TMPRSS2: variants seen among roughly 807,000 people sequenced by gnomAD.
The protein encoded by TMPRSS2 is transmembrane protease serine 2.
Under a neutral mutation model 67.4 loss-of-function variants are expected in TMPRSS2, and 59 were observed. That is an observed-to-expected ratio of 0.88 (90% CI 0.71 to 1.09). The LOEUF (loss-of-function observed/expected upper bound fraction) is 1.09. Ranked by LOEUF, TMPRSS2 falls within the 50% of genes least tolerant of loss-of-function variation. The pLI is 0.00. For synonymous variants in TMPRSS2, 257 were observed against 257.0 expected (o/e 1.00, Z 0.00); for missense variants, 668 against 642.7 (o/e 1.04, Z -0.43).
At chr21:41,468,681 C>T in intron 11 of TMPRSS2, 143 bp from the exon 12 acceptor site, 2 of 859,334 alleles carry the variant, frequency 2.3e-6, no homozygotes, top group Non-Finnish European at 3.5e-6. Context: ...CAGCTCATCC[C>T]AGCACCAACC....
At chr21:41,498,354 C>T (rs1446119919) in intron 1 of TMPRSS2, among the ~76,000 whole-genome samples, 165 bp from the exon 2 acceptor site, 1 of 152,178 alleles carries the variant, frequency 6.6e-6, no homozygotes, top group Non-Finnish European at 1.5e-5. Flanking sequence ...TCCCCACATC[C>T]CTCCATATTT....
intron 5 of TMPRSS2, chr21:41,486,381 C>A (rs1469389234): frequency 6.6e-6 from 1 of 152,226 alleles, no homozygotes; most frequent in Non-Finnish European, 1.5e-5. Flanking sequence ...CTCACTGCAA[C>A]CCCCTCCTCC....
At position 41,504,025 on chromosome 21, in the gene TMPRSS2, T is replaced by C. The variant is rs186280517; in HGVS notation, c.-57+4056A>G. Among the ~76,000 whole-genome samples, 20 of 152,362 alleles carry C rather than the reference T, an allele frequency of 1.3e-4. No individual in the cohort carries two copies. The East Asian group carries it at 3.3e-3, about 25-fold the overall frequency. On this transcript the variant is annotated intron_variant, in intron 1 of 13. Transcript: ENST00000332149. Reference sequence around the variant, plus strand: ...CCTTAAAGGGAATTTGACACTGCATTGTGCACCTCGTACAAACAAGCAATA... The same window carrying C: ...CCTTAAAGGGAATTTGACACTGCATCGTGCACCTCGTACAAACAAGCAATA...
intron 9 of TMPRSS2, among the ~76,000 whole-genome samples, chr21:41,472,992 G>C (rs919120663): frequency 5.9e-5 from 9 of 152,190 alleles, no homozygotes; most frequent in African/African-American, 2.2e-4. Flanking sequence ...TAGCGTCCCG[G>C]AGACAGGATA....
intron 1 of TMPRSS2, among the ~76,000 whole-genome samples, chr21:41,499,452 C>A (rs907697283): frequency 6.6e-6 from 1 of 152,162 alleles, no homozygotes; most frequent in Non-Finnish European, 1.5e-5. Context: ...GTCAGTTTAG[C>A]CAGAACCTCC....
chr21:41,479,429 G>C, intron 6 of TMPRSS2, 147 bp from the exon 7 acceptor site: 1 of 629,484 alleles, frequency 1.6e-6, no homozygotes, highest in East Asian at 2.8e-5. Flanking sequence ...TTCTAACCAA[G>C]TGCTAGAATA....
chr21:41,473,308 C>G lies in TMPRSS2; in HGVS notation c.899+17G>C. 6.4e-7 allele frequency: 1 copy of G among 1,568,168 alleles called. No homozygotes were observed. The highest frequency in any genetic ancestry group is 1.8e-5 in the Admixed American group (1 of 56,458). ...CAGCCCTGAGCCCCCACCCGGCCCG[C>G]GCCGCCCCTGGCATACTTTTCCACG... On this transcript the variant is annotated intron_variant, in intron 9 of 13. Transcript: ENST00000332149.
chr21:41,491,461 T>C (rs1175226304), intron 3 of TMPRSS2, among the ~76,000 whole-genome samples: 1 of 152,180 alleles, frequency 6.6e-6, no homozygotes, highest in South Asian at 2.1e-4. Context: ...TCTGAATTTC[T>C]AACAGGCTCA....
chr21:41,467,673 G>A, intron 13 of TMPRSS2, 61 bp downstream of exon 13: 2 of 1,586,282 alleles, frequency 1.3e-6, no homozygotes, highest in Non-Finnish European at 1.7e-6. Context: ...ACGCCTAACA[G>A]ATGTCTGGCT....
At chr21:41,485,937 C>T (rs1307859962) in intron 5 of TMPRSS2, among the ~76,000 whole-genome samples, 2 of 152,344 alleles carry the variant, frequency 1.3e-5, no homozygotes, top group East Asian at 3.9e-4. Flanking sequence ...ATTCCACAGC[C>T]AGGACTGACA....
rs554692214 is a variant in TMPRSS2, at chr21:41,478,694, T to C, written c.683+478A>G. ...ACCCTCTGGCACTGCTGTCCCGGGGTTGGGGCTAACGGGACCAGCCAGCCC... is the reference window on the plus strand; with the variant it reads ...ACCCTCTGGCACTGCTGTCCCGGGGCTGGGGCTAACGGGACCAGCCAGCCC... On this transcript the variant is annotated intron_variant, in intron 7 of 13. Coordinates refer to ENST00000332149, the MANE Select transcript of TMPRSS2 (RefSeq NM_005656.4). The surrounding 1 kb of genome is among the most constrained non-coding windows in gnomAD (Gnocchi z 4.0). Among the ~76,000 whole-genome samples, 2 of 152,020 alleles carry C rather than the reference T, an allele frequency of 1.3e-5. No individual in the cohort carries two copies. The highest frequency in any genetic ancestry group is 3.9e-4 in the East Asian group (2 of 5,154).
At chr21:41,493,862 T>C (rs566903241) in intron 3 of TMPRSS2, among the ~76,000 whole-genome samples, 329 of 152,336 alleles carry the variant, frequency 2.2e-3, no homozygotes, top group Non-Finnish European at 4.0e-3. Flanking sequence ...TGAAGCCCAA[T>C]GAGACAGCTC....
chr21:41,468,415 C>T lies in TMPRSS2; in HGVS notation c.1295G>A (p.Gly432Glu), dbSNP rs570454392. ...PAMICAGFLQ[G>E]NVDSCQGDSG... ...AATTACCTGGCAAGAATCGACGTTC[C>T]CCTGCAGGAAGCCGGCACAGATCAT... The change falls in exon 12 of 14, where the codon GGG becomes GAG. Residue 432 changes from glycine (G) to glutamate (E), a missense_variant. Coordinates refer to ENST00000332149, the MANE Select transcript of TMPRSS2 (RefSeq NM_005656.4). 1 of 1,613,992 alleles carries T rather than the reference C, an allele frequency of 6.2e-7. No individual in the cohort carries two copies. Among genetic ancestry groups the T allele is most frequent in the East Asian group, 2.2e-5 (1 of 44,892 alleles).
At chr21:41,490,802 C>G (rs1025857702) in intron 3 of TMPRSS2, among the ~76,000 whole-genome samples, 1 of 152,172 alleles carries the variant, frequency 6.6e-6, no homozygotes, top group East Asian at 1.9e-4. Context: ...GCCCAGCAGC[C>G]CCAGGTCCAG....
intron 1 of TMPRSS2, among the ~76,000 whole-genome samples, chr21:41,502,087 T>C (rs548341299): frequency 6.6e-6 from 1 of 152,278 alleles, no homozygotes; most frequent in East Asian, 1.9e-4. Context: ...CCTCGCACTG[T>C]TTTGGTCCAT....
At chr21:41,470,777 C>T (rs374517260) in intron 10 of TMPRSS2, 34 bp from the exon 11 acceptor site, 24 of 613,942 alleles carry the variant, frequency 3.9e-5, no homozygotes, top group African/African-American at 1.0e-4. Context: ...GTGAGCCAGG[C>T]GGGTATCACC....
chr21:41,466,319 G>A (rs2091083316), intron 13 of TMPRSS2, among the ~76,000 whole-genome samples, 166 bp from the exon 14 acceptor site: 1 of 152,246 alleles, frequency 6.6e-6, no homozygotes, highest in Non-Finnish European at 1.5e-5. Flanking sequence ...GAGTCAGGCT[G>A]AGCATGGCGG....
At chr21:41,466,972 G>T (rs1170921380) in intron 13 of TMPRSS2, among the ~76,000 whole-genome samples, 2 of 152,096 alleles carry the variant, frequency 1.3e-5, no homozygotes, top group East Asian at 3.9e-4. Context: ...CTTGAGTCTG[G>T]GGCATCAGAG....
At chr21:41,498,233 A>C (rs2091399492) in intron 1 of TMPRSS2, 44 bp from the exon 2 acceptor site, 1 of 1,314,092 alleles carries the variant, frequency 7.6e-7, no homozygotes. Context: ...CATACCAGTT[A>C]GTTTTTAGAA....
Sources: gnomAD v4.1 joint callset for allele counts (sites outside exome capture counted in the v4.1 genomes callset) on GRCh38, gnomAD v4.1.1 for gene constraint, Gnocchi (gnomAD v3.1) non-coding constraint, MANE v1.5 for transcripts, NCBI Gene and HGNC (gene_info 2026-07-23, HGNC 2026-07-21) for gene names.